The following SLC9C1 variants were observed in gnomAD, a reference collection of about 807,000 sequenced individuals.
The protein encoded by SLC9C1 is solute carrier family 9 member C1.
Under a neutral mutation model 140.9 loss-of-function variants are expected in SLC9C1, and 97 were observed. The ratio of observed to expected loss-of-function variants is 0.69; its 90% CI spans 0.58 to 0.82. The LOEUF (loss-of-function observed/expected upper bound fraction) is 0.82, where lower values mean the gene tolerates loss of function less well. Among genes scored for constraint, SLC9C1 ranks in the 40% least tolerant of loss-of-function variants. The pLI is 0.00. For missense variants in SLC9C1, 1,340 were observed against 1,389.3 expected (o/e 0.96, Z 0.56); for synonymous variants, 440 against 442.6 (o/e 0.99, Z 0.07).
At chr3:112,177,757 C>A (rs1576279457) in intron 23 of SLC9C1, among the ~76,000 whole-genome samples, 3 of 143,642 alleles carry the variant, frequency 2.1e-5, no homozygotes, top group South Asian at 2.2e-4. Context: ...AAAAAAATCA[C>A]ATTTGCCTCA....
At chr3:112,266,461 T>C (rs1348449114) in intron 7 of SLC9C1, 121 bp from the exon 8 acceptor site, 3 of 675,338 alleles carry the variant, frequency 4.4e-6, no homozygotes, top group Non-Finnish European at 7.2e-6. Context: ...AGAGGCAACT[T>C]CACTTGATTT....
intron 15 of SLC9C1, among the ~76,000 whole-genome samples, chr3:112,215,324 T>C (rs1449131260): frequency 2.0e-5 from 3 of 152,144 alleles, no homozygotes; most frequent in South Asian, 2.1e-4. Context: ...TCTCTCACCA[T>C]TCCTATTCAA....
At chr3:112,291,621 A>T (rs1358692085) in intron 1 of SLC9C1, among the ~76,000 whole-genome samples, 3 of 152,198 alleles carry the variant, frequency 2.0e-5, no homozygotes, top group African/African-American at 7.2e-5. Context: ...AAAATAACAG[A>T]TGCTGACAAG....
At position 112,151,979 on chromosome 3, in the gene SLC9C1, C is replaced by G; in HGVS notation, c.3418-16G>C. The G allele has an allele frequency of 6.4e-7, 1 of 1,564,838 alleles. No homozygotes were observed. Among genetic ancestry groups the G allele is most frequent in the Non-Finnish European group, 8.6e-7 (1 of 1,163,670 alleles). On this transcript the variant is annotated splice_polypyrimidine_tract_variant and intron_variant, in intron 27 of 28. Coordinates refer to ENST00000305815, the MANE Select transcript of SLC9C1 (RefSeq NM_183061.3). ...GTGCTCCATCCTGGGATTCAAAACA[C>G]TTTGTTACTTGATGTCATGATAGGC...
In SLC9C1 at chr3:112,200,806, GTTATAAAATGTCC is replaced by G. The variant is rs770967419; in HGVS notation, c.2323-57_2323-45del. On this transcript the variant is annotated intron_variant, in intron 18 of 28. Transcript: ENST00000305815. ...GTTATCCCCATTGGAAAAACAGACT[GTTATAAAATGTCC>G]TTACATTTGCAACTGATGGATTTTT... The G allele has an allele frequency of 2.6e-6, 4 of 1,511,078 alleles. No homozygotes were observed. In the South Asian group the frequency reaches 4.7e-5, roughly 18 times the overall value. The allele number at this position is 1,511,078 out of a possible 1,614,324, so 93.6% of individuals were successfully genotyped here.
rs943625528 is a variant in SLC9C1 at position 112,277,567 on chromosome 3, C to G, written c.484+128G>C. On this transcript the variant is annotated intron_variant, in intron 5 of 28. Transcript: ENST00000305815. ...TGACCTCCAGAATCTCTGCTTAATC[C>G]TCAACCCCCAATCCCTCACTACCTG... 1.8e-5 allele frequency: 14 copies of G among 770,984 alleles called. 1 individual carries two copies. The Admixed American group carries it at 3.1e-4, about 17-fold the overall frequency. The allele number at this position is 770,984 out of a possible 1,614,324, so 47.8% of individuals were successfully genotyped here. A position where few individuals can be genotyped will look rare whatever the true frequency, so the allele number is the denominator to read the frequency against.
chr3:112,234,391 GC>G lies in SLC9C1; in HGVS notation c.1447-2906del, dbSNP rs1297222093. Among the ~76,000 whole-genome samples the G allele has an allele frequency of 5.3e-5, 8 of 151,888 alleles. 1 individual carries two copies. In the East Asian group the frequency reaches 1.4e-3, roughly 26 times the overall value. On this transcript the variant is annotated intron_variant, in intron 12 of 28. Coordinates refer to ENST00000305815, the MANE Select transcript of SLC9C1 (RefSeq NM_183061.3). ...TCTGGATATTAGCCCTTTGTCAGAT[GC>G]GTAGATTGCAAAAATTTTCTCCTAT...
At chr3:112,212,437 C>T (rs182155386) in intron 15 of SLC9C1, among the ~76,000 whole-genome samples, 39 of 152,182 alleles carry the variant, frequency 2.6e-4, no homozygotes, top group African/African-American at 7.2e-4. Context: ...GAACCCATGG[C>T]AAAGAAGCTA....
At chr3:112,237,199 G>A (rs576912100) in intron 12 of SLC9C1, among the ~76,000 whole-genome samples, 177 of 152,264 alleles carry the variant, frequency 1.2e-3, no homozygotes, top group Non-Finnish European at 2.2e-3. Context: ...TTGTTGAACT[G>A]ATCCCTTTAC....
chr3:112,212,464 A>G (rs1576353786), intron 15 of SLC9C1, among the ~76,000 whole-genome samples: 2 of 152,206 alleles, frequency 1.3e-5, no homozygotes, highest in Admixed American at 1.3e-4. Flanking sequence ...TTGAAAAAAG[A>G]TTAGACAAAT....
intron 23 of SLC9C1, among the ~76,000 whole-genome samples, chr3:112,176,122 C>A (rs944694165): frequency 6.6e-6 from 1 of 152,190 alleles, no homozygotes; most frequent in Non-Finnish European, 1.5e-5. Context: ...CCACATAGCT[C>A]TGCATGTCAG....
chr3:112,285,773 T>G (rs1576530958), intron 2 of SLC9C1, among the ~76,000 whole-genome samples: 1 of 151,820 alleles, frequency 6.6e-6, no homozygotes, highest in African/African-American at 2.4e-5. Flanking sequence ...TTACTTTTTA[T>G]TTTTTTTCTT....
chr3:112,236,261 G>T (rs1281136454), intron 12 of SLC9C1, among the ~76,000 whole-genome samples: 6 of 152,260 alleles, frequency 3.9e-5, no homozygotes, highest in Admixed American at 2.6e-4. Context: ...TTGTGTAGAG[G>T]TGTTTATGGT....
intron 28 of SLC9C1, among the ~76,000 whole-genome samples, chr3:112,144,920 G>C (rs2107835982): frequency 6.6e-6 from 1 of 151,952 alleles, no homozygotes; most frequent in Non-Finnish European, 1.5e-5. Flanking sequence ...TTTCTTTTTT[G>C]GATGACTTTA....
chr3:112,209,777 T>C (rs1390102941), intron 15 of SLC9C1, among the ~76,000 whole-genome samples: 2 of 152,172 alleles, frequency 1.3e-5, no homozygotes, highest in African/African-American at 4.8e-5. Context: ...TTAGGATTAA[T>C]GTTAACCTAA....
intron 3 of SLC9C1, 85 bp downstream of exon 3, chr3:112,280,598 A>G (rs1444000759): frequency 8.6e-7 from 1 of 1,168,534 alleles, no homozygotes. Context: ...GAGGGGATGA[A>G]TAACTTTTGC....
At chr3:112,165,034 A>G (rs926828542) in intron 26 of SLC9C1, among the ~76,000 whole-genome samples, 9 of 152,138 alleles carry the variant, frequency 5.9e-5, no homozygotes, top group Admixed American at 2.0e-4. Context: ...ATCTTCCATC[A>G]CTGATATCCT....
At chr3:112,198,716 G>A (rs2077827852) in intron 20 of SLC9C1, among the ~76,000 whole-genome samples, 2 of 151,670 alleles carry the variant, frequency 1.3e-5, no homozygotes, top group Admixed American at 1.3e-4. Context: ...AAAACCTACC[G>A]AGACAAAGTA....
At chr3:112,167,143 A>G (rs1442881305) in intron 26 of SLC9C1, 78 bp downstream of exon 26, 10 of 1,511,888 alleles carry the variant, frequency 6.6e-6, no homozygotes, top group Non-Finnish European at 9.0e-6. Context: ...AATGCAAACA[A>G]CAGTTTCCAA....
Sources: allele counts gnomAD v4.1 joint callset (sites outside exome capture counted in the v4.1 genomes callset), GRCh38; gene constraint gnomAD v4.1.1; transcripts MANE v1.5; gene names NCBI Gene and HGNC (gene_info 2026-07-23, HGNC 2026-07-21).